Variants in DOCK4 observed in about 807,000 individuals in gnomAD.
DOCK4 encodes the protein dedicator of cytokinesis protein 4.
DOCK4 carries 97 observed loss-of-function variants against 268.1 expected under a neutral mutation model. The ratio of observed to expected loss-of-function variants is 0.36; its 90% CI spans 0.31 to 0.43. The LOEUF (loss-of-function observed/expected upper bound fraction) is 0.43. DOCK4 is among the 20% of genes least tolerant of loss of function. DOCK4 has a pLI of 1.00. For synonymous variants in DOCK4, 954 were observed against 887.2 expected (o/e 1.08, Z -1.34); for missense variants, 2,145 against 2,455.7 (o/e 0.87, Z 2.67).
chr7:111,930,953 T>C (rs1380516159), intron 12 of DOCK4, among the ~76,000 whole-genome samples: 1 of 152,200 alleles, frequency 6.6e-6, no homozygotes, highest in Non-Finnish European at 1.5e-5. Context: ...TTCCACTCTC[T>C]AGAGCAGAAT....
Position 111,783,952 on chromosome 7 carries a change from A to G in DOCK4, c.3429T>C (p.Ser1143=). ...SIIPLFGPYP[S]LLKKIERETW... The stretch of plus-strand genomic sequence containing the variant: ...TTTCCCGCTCAATTTTCTTTAGTAG[A>G]CTGGAAAAGAAAGAACCCGGGGCAT... The change falls in exon 34 of 53, where the codon AGT becomes AGC. Residue 1143 remains serine (S), a splice_region_variant and synonymous_variant. Transcript: ENST00000428084. The G allele has an allele frequency of 1.3e-6, 2 of 1,599,114 alleles. No homozygotes were observed. Among genetic ancestry groups the G allele is most frequent in the Middle Eastern group, 1.7e-4 (1 of 6,042 alleles).
intron 1 of DOCK4, among the ~76,000 whole-genome samples, chr7:112,194,885 A>G (rs1024839052): frequency 1.3e-5 from 2 of 152,230 alleles, no homozygotes; most frequent in African/African-American, 4.8e-5. Context: ...TGGGGCAAAG[A>G]ACATAAATAT....
chr7:111,737,137 T>G (rs1795557291), intron 49 of DOCK4, 148 bp from the exon 50 acceptor site: 1 of 633,006 alleles, frequency 1.6e-6, no homozygotes, highest in African/African-American at 1.8e-5. Context: ...ATAATTTAAT[T>G]ATATTTAAGT....
rs184132326 is a variant in DOCK4, at chr7:111,816,291, T to C, written c.2931-4342A>G. On this transcript the variant is annotated intron_variant, in intron 27 of 52. Transcript: ENST00000428084. Reference sequence around the variant, plus strand: ...AACTGGGTCTTGACAATATTGATGTTTATACAATGAAAAACTAAGGACATC... The same window carrying C: ...AACTGGGTCTTGACAATATTGATGTCTATACAATGAAAAACTAAGGACATC... Among the ~76,000 whole-genome samples the C allele has an allele frequency of 6.6e-5, 10 of 152,274 alleles. No individual in the cohort carries two copies. The East Asian group carries it at 1.9e-3, about 29-fold the overall frequency.
At chr7:112,062,388 G>A (rs796974707) in intron 1 of DOCK4, among the ~76,000 whole-genome samples, 39 of 152,222 alleles carry the variant, frequency 2.6e-4, no homozygotes, top group African/African-American at 8.9e-4. Context: ...TCTAAGGGAC[G>A]GTTCATTCTC....
intron 23 of DOCK4, among the ~76,000 whole-genome samples, chr7:111,847,833 C>A (rs1804236223): frequency 6.6e-6 from 1 of 152,160 alleles, no homozygotes; most frequent in Admixed American, 6.6e-5. Context: ...TTATCAGCAG[C>A]ACGAAAATGG....
intron 8 of DOCK4, among the ~76,000 whole-genome samples, chr7:111,946,609 T>G (rs1031601886): frequency 6.6e-6 from 1 of 152,112 alleles, no homozygotes; most frequent in Admixed American, 6.5e-5. Context: ...TGAGACAGAG[T>G]CTTGCTCTAT....
At chr7:111,868,815 CTG>C (rs1806192160) in intron 21 of DOCK4, among the ~76,000 whole-genome samples, 1 of 152,112 alleles carries the variant, frequency 6.6e-6, no homozygotes, top group Non-Finnish European at 1.5e-5. Flanking sequence ...AAAAAGATAA[CTG>C]TTTTTTAAAA....
At chr7:112,167,735 C>G (rs1817723852) in intron 1 of DOCK4, among the ~76,000 whole-genome samples, 1 of 152,016 alleles carries the variant, frequency 6.6e-6, no homozygotes, top group African/African-American at 2.4e-5. Flanking sequence ...GCTTAAATAA[C>G]TCAATTAATC....
At chr7:112,134,186 A>T (rs527364174) in intron 1 of DOCK4, among the ~76,000 whole-genome samples, 1 of 152,354 alleles carries the variant, frequency 6.6e-6, no homozygotes, top group South Asian at 2.1e-4. Context: ...GAGTTAAGAC[A>T]GATTAACAAA....
chr7:111,862,951 C>T (rs1805673123), intron 23 of DOCK4: 1 of 194,402 alleles, frequency 5.1e-6, no homozygotes, highest in Admixed American at 5.8e-5. Flanking sequence ...AACTTACTAA[C>T]AGTTATTATA....
chr7:111,900,352 GC>G (rs1168379139), intron 15 of DOCK4, 21 bp downstream of exon 15: 8 of 1,609,166 alleles, frequency 5.0e-6, no homozygotes, highest in Non-Finnish European at 6.8e-6. Flanking sequence ...GACACAGGTA[GC>G]CAATGCCACC....
chr7:112,148,551 G>C (rs1815734880), intron 1 of DOCK4, among the ~76,000 whole-genome samples: 1 of 151,926 alleles, frequency 6.6e-6, no homozygotes, highest in South Asian at 2.1e-4. Context: ...AAAATCTAGG[G>C]GCCAGTAGCA....
chr7:111,915,884 G>T lies in DOCK4; in HGVS notation c.1087C>A (p.Leu363Ile), dbSNP rs752200433. The change falls in exon 13 of 53, where the codon CTA (leucine) becomes ATA (isoleucine). Residue 363 changes from leucine (L) to isoleucine (I), a missense_variant. Leu to Ile is a conservative substitution (Grantham distance 5). Coordinates refer to ENST00000428084, the MANE Select transcript of DOCK4 (RefSeq NM_001363540.2). ...ATTTGTTCAATGTCTCCGTGCAATA[G>T]CTGTAAGGAAACTGCTAAACCTAAA... ...SNAGLAVSLQ[L>I]LHGDIEQIRR... 2.5e-6 allele frequency: 4 copies of T among 1,611,824 alleles called. No individual in the cohort carries two copies. Among genetic ancestry groups the T allele is most frequent in the Admixed American group, 1.7e-5 (1 of 59,738 alleles).
intron 13 of DOCK4, among the ~76,000 whole-genome samples, chr7:111,909,991 C>A (rs1332683455): frequency 6.8e-6 from 1 of 147,104 alleles, no homozygotes. Flanking sequence ...AAAAAAAAAA[C>A]GTTTTAGGGC....
intron 5 of DOCK4, among the ~76,000 whole-genome samples, chr7:111,992,694 T>G (rs1799630883): frequency 6.6e-6 from 1 of 152,202 alleles, no homozygotes; most frequent in Admixed American, 6.5e-5. Context: ...AAATTCAACT[T>G]TGTTCCCCAC....
intron 1 of DOCK4, among the ~76,000 whole-genome samples, chr7:112,078,406 ACT>A (rs111689023): frequency 6.6e-5 from 10 of 152,114 alleles, no homozygotes; most frequent in African/African-American, 2.2e-4. Context: ...CCTATTATTA[ACT>A]CTCTTGATTA....
At chr7:112,205,709 C>T (rs1821347285) in intron 1 of DOCK4, among the ~76,000 whole-genome samples, 1 of 152,136 alleles carries the variant, frequency 6.6e-6, no homozygotes, top group Non-Finnish European at 1.5e-5. Context: ...TTGCAGCTCC[C>T]TGTCGCTTTG....
intron 30 of DOCK4, among the ~76,000 whole-genome samples, chr7:111,806,812 A>G (rs1800709809): frequency 6.6e-6 from 1 of 152,236 alleles, no homozygotes; most frequent in South Asian, 2.1e-4. Flanking sequence ...CTACAGTATA[A>G]CAAAATACTG....
Sources: gnomAD v4.1 joint callset for allele counts (sites outside exome capture counted in the v4.1 genomes callset) on GRCh38, gnomAD v4.1.1 for gene constraint, MANE v1.5 for transcripts, NCBI Gene and HGNC (gene_info 2026-07-23, HGNC 2026-07-21) for gene names.